Variants in CHM observed in about 807,000 individuals in gnomAD.
CHM encodes rab proteins geranylgeranyltransferase component A 1.
In CHM, 10 loss-of-function variants were observed where a neutral mutation model predicts 49.0. That is an observed-to-expected ratio of 0.20 (90% CI 0.13 to 0.35). The LOEUF (loss-of-function observed/expected upper bound fraction) is 0.35. Ranked by LOEUF, CHM falls within the 10% of genes least tolerant of loss-of-function variation. CHM has a pLI of 1.00. For synonymous variants in CHM, 184 were observed against 167.5 expected (o/e 1.10, Z -0.76); for missense variants, 455 against 478.4 (o/e 0.95, Z 0.46).
chrX:85,898,495 T>C (rs1926047972), intron 11 of CHM, among the ~76,000 whole-genome samples: 1 of 111,574 alleles, frequency 9.0e-6, no homozygotes, highest in African/African-American at 3.3e-5. Context: ...CTGAAATATA[T>C]ACTAATCTTT....
chrX:86,006,102 G>C (rs1932846921), intron 2 of CHM, among the ~76,000 whole-genome samples: 1 of 111,832 alleles, frequency 8.9e-6, no homozygotes, highest in Admixed American at 9.5e-5. Context: ...TGCAAGGCTG[G>C]TTCAACATAC....
At chrX:85,885,148 A>T (rs921398611) in intron 12 of CHM, among the ~76,000 whole-genome samples, 3 of 110,597 alleles carry the variant, frequency 2.7e-5, no homozygotes, top group Non-Finnish European at 5.7e-5. Flanking sequence ...TAAAATGAGT[A>T]TCAGAATTAG....
intron 1 of CHM, among the ~76,000 whole-genome samples, chrX:86,029,741 A>G (rs1391365154): frequency 9.0e-6 from 1 of 111,375 alleles, no homozygotes. Flanking sequence ...AAAATGAAAC[A>G]GGCATGGTCT....
At chrX:85,984,329 CA>C (rs1931793624) in intron 2 of CHM, among the ~76,000 whole-genome samples, 1 of 111,800 alleles carries the variant, frequency 8.9e-6, no homozygotes, top group Admixed American at 9.5e-5. Flanking sequence ...AGACACTTCA[CA>C]AAAGAACATG....
intron 1 of CHM, among the ~76,000 whole-genome samples, chrX:86,042,991 T>C (rs988439235): frequency 2.7e-5 from 3 of 111,272 alleles, no homozygotes; most frequent in Non-Finnish European, 5.7e-5. Context: ...GCAGGACAAA[T>C]ATCTAAACCC....
chrX:85,936,682 G>A (rs1376022774), intron 8 of CHM, among the ~76,000 whole-genome samples: 1 of 112,064 alleles, frequency 8.9e-6, no homozygotes, highest in Non-Finnish European at 1.9e-5. Flanking sequence ...GAAATAAATA[G>A]CTTTGCTACA....
chrX:86,022,743 A>G (rs758892264), intron 2 of CHM, among the ~76,000 whole-genome samples: 1 of 111,026 alleles, frequency 9.0e-6, no homozygotes, highest in Non-Finnish European at 1.9e-5. Context: ...ACCCACATAC[A>G]CATACACATC....
intron 2 of CHM, among the ~76,000 whole-genome samples, chrX:86,002,228 T>G (rs2147749099): frequency 8.9e-6 from 1 of 112,178 alleles, no homozygotes; most frequent in Non-Finnish European, 1.9e-5. Context: ...CGTTTTAGAC[T>G]GTGCTAACAA....
At chrX:85,895,145 T>TG (rs1490186188) in intron 11 of CHM, among the ~76,000 whole-genome samples, 1 of 99,638 alleles carries the variant, frequency 1.0e-5, no homozygotes, top group African/African-American at 3.9e-5. Flanking sequence ...TGTTTTTTTT[T>TG]TTTTTTTTGA....
intron 1 of CHM, among the ~76,000 whole-genome samples, chrX:86,037,106 T>G (rs1297416625): frequency 9.6e-6 from 1 of 104,025 alleles, no homozygotes; most frequent in Non-Finnish European, 2.0e-5. Flanking sequence ...ACAACTAATT[T>G]TTCCTTTTTT....
chrX:86,032,576 TTTTC>T (rs1287120400), intron 1 of CHM, among the ~76,000 whole-genome samples: 1 of 112,025 alleles, frequency 8.9e-6, no homozygotes, highest in African/African-American at 3.2e-5. Flanking sequence ...TCCAATAACC[TTTTC>T]TTTATGTAAA....
At chrX:85,906,948 C>T (rs1926628998) in intron 9 of CHM, among the ~76,000 whole-genome samples, 1 of 110,961 alleles carries the variant, frequency 9.0e-6, no homozygotes, top group Non-Finnish European at 1.9e-5. Flanking sequence ...GCCCTGACAA[C>T]ATGGCAAAAC....
At chrX:85,896,507 T>C (rs1288512845) in intron 11 of CHM, among the ~76,000 whole-genome samples, 1 of 110,844 alleles carries the variant, frequency 9.0e-6, no homozygotes, top group Non-Finnish European at 1.9e-5. Context: ...GTGAGTTCAG[T>C]TCTGAGTGTA....
intron 9 of CHM, among the ~76,000 whole-genome samples, chrX:85,907,342 A>G (rs1319937090): frequency 9.0e-6 from 1 of 111,711 alleles, no homozygotes; most frequent in Non-Finnish European, 1.9e-5. Flanking sequence ...GTCCAAGGTC[A>G]TCTCTACCCT....
chrX:85,873,288 A>G, intron 13 of CHM, 76 bp from the exon 14 acceptor site: 1 of 764,502 alleles, frequency 1.3e-6, no homozygotes, highest in South Asian at 2.7e-5. Flanking sequence ...GTAGCCTATT[A>G]CCGATTAAGC....
intron 2 of CHM, among the ~76,000 whole-genome samples, chrX:86,001,662 CA>C (rs1188442495): frequency 9.1e-6 from 1 of 110,316 alleles, no homozygotes; most frequent in Non-Finnish European, 1.9e-5. Flanking sequence ...AACTTATCAT[CA>C]AGGGGATGGT....
intron 1 of CHM, among the ~76,000 whole-genome samples, chrX:86,043,172 T>C (rs1934538220): frequency 9.0e-6 from 1 of 111,572 alleles, no homozygotes; most frequent in African/African-American, 3.3e-5. Context: ...AGATCATCTA[T>C]TGAAATTTCT....
intron 2 of CHM, among the ~76,000 whole-genome samples, chrX:85,993,663 C>A (rs1368975879): frequency 8.9e-6 from 1 of 111,753 alleles, no homozygotes; most frequent in Non-Finnish European, 1.9e-5. Flanking sequence ...AACTTAGTGC[C>A]AACCTAACTC....
chrX:86,004,374 C>T (rs1203233920), intron 2 of CHM, among the ~76,000 whole-genome samples: 1 of 111,577 alleles, frequency 9.0e-6, no homozygotes, highest in African/African-American at 3.3e-5. Context: ...AAATAACCAG[C>T]GAACATCATA....
Sources: gnomAD v4.1 joint callset for allele counts (sites outside exome capture counted in the v4.1 genomes callset) on GRCh38, gnomAD v4.1.1 for gene constraint, MANE v1.5 for transcripts, NCBI Gene and HGNC (gene_info 2026-07-23, HGNC 2026-07-21) for gene names.